The following KCNMA1 variants were observed in gnomAD, a reference collection of about 807,000 sequenced individuals.
The protein encoded by KCNMA1 is Calcium-activated potassium channel subunit alpha-1.
Under a neutral mutation model 140.0 loss-of-function variants are expected in KCNMA1, and 29 were observed. The ratio of observed to expected loss-of-function variants is 0.21; its 90% CI spans 0.15 to 0.28. The LOEUF is 0.28. KCNMA1 is among the 10% of genes least tolerant of loss of function. KCNMA1 has a pLI of 1.00. For synonymous variants in KCNMA1, 612 were observed against 611.9 expected (o/e 1.00, Z 0.00); for missense variants, 880 against 1,602.2 (o/e 0.55, Z 7.70).
At chr10:77,044,701 A>G (rs545747321) in intron 14 of KCNMA1, among the ~76,000 whole-genome samples, 44 of 152,282 alleles carry the variant, frequency 2.9e-4, no homozygotes, top group African/African-American at 1.0e-3. Context: ...GAAAGTGAAC[A>G]AAGAAATCTG....
At chr10:76,942,660 A>T (rs2062848097) in intron 23 of KCNMA1, among the ~76,000 whole-genome samples, 1 of 152,202 alleles carries the variant, frequency 6.6e-6, no homozygotes, top group African/African-American at 2.4e-5. Context: ...ACTGGAAGGA[A>T]CAACTATATC....
At chr10:77,285,688 T>G (rs1279129863) in intron 2 of KCNMA1, among the ~76,000 whole-genome samples, 1 of 44,264 alleles carries the variant, frequency 2.3e-5, no homozygotes, top group African/African-American at 1.1e-4. Flanking sequence ...TTACTGGGTG[T>G]TACCACATGG....
At chr10:77,280,860 C>A (rs900560855) in intron 2 of KCNMA1, among the ~76,000 whole-genome samples, 2 of 152,146 alleles carry the variant, frequency 1.3e-5, no homozygotes, top group Non-Finnish European at 2.9e-5. Flanking sequence ...TCTGCCTGGT[C>A]CCCTCATTGA....
chr10:77,321,166 C>T (rs2082236109), intron 2 of KCNMA1, among the ~76,000 whole-genome samples: 1 of 152,176 alleles, frequency 6.6e-6, no homozygotes, highest in Non-Finnish European at 1.5e-5. Flanking sequence ...ATGCATTACT[C>T]AGAGTGGAAA....
intron 2 of KCNMA1, among the ~76,000 whole-genome samples, chr10:77,266,632 C>T (rs1283659575): frequency 6.6e-6 from 1 of 152,184 alleles, no homozygotes; most frequent in African/African-American, 2.4e-5. Flanking sequence ...CATTCAGGCA[C>T]AGAAAGATCA....
At chr10:77,379,636 A>G (rs1182197095) in intron 2 of KCNMA1, among the ~76,000 whole-genome samples, 1 of 152,092 alleles carries the variant, frequency 6.6e-6, no homozygotes, top group Non-Finnish European at 1.5e-5. Context: ...AACTTTCTTA[A>G]AGGAACCCAT....
chr10:77,146,522 A>T (rs1225249726), intron 5 of KCNMA1, among the ~76,000 whole-genome samples: 1 of 152,000 alleles, frequency 6.6e-6, no homozygotes, highest in Non-Finnish European at 1.5e-5. Context: ...TCAACATGGC[A>T]AAACTTCGTC....
intron 2 of KCNMA1, among the ~76,000 whole-genome samples, chr10:77,338,749 A>T (rs2090021042): frequency 6.6e-6 from 1 of 152,210 alleles, no homozygotes; most frequent in Non-Finnish European, 1.5e-5. Flanking sequence ...AATCTTGATG[A>T]TGTCATTTGT....
chr10:77,578,877 G>A (rs1478054558), intron 1 of KCNMA1, among the ~76,000 whole-genome samples: 6 of 152,234 alleles, frequency 3.9e-5, no homozygotes, highest in Non-Finnish European at 7.3e-5. Context: ...GCCCCACAGA[G>A]GCAGGGCCTG....
At chr10:77,388,767 A>C (rs1057039060) in intron 2 of KCNMA1, among the ~76,000 whole-genome samples, 2 of 152,172 alleles carry the variant, frequency 1.3e-5, no homozygotes, top group African/African-American at 4.8e-5. Context: ...TTTTCTCTCT[A>C]TCTGTATCTC....
chr10:77,140,051 A>T (rs767846377), intron 5 of KCNMA1, among the ~76,000 whole-genome samples: 1 of 152,220 alleles, frequency 6.6e-6, no homozygotes, highest in Non-Finnish European at 1.5e-5. Context: ...TAGCTCAATA[A>T]CATTCAGGAG....
chr10:76,887,429 C>A lies in KCNMA1; in HGVS notation c.3548G>T (p.Gly1183Val), dbSNP rs1248000534. Residue 1183 changes from glycine to valine, a missense_variant, in exon 28 of 28, where the codon GGC (glycine) becomes GTC (valine). Around this residue, in one of 13 missense-constraint regions of KCNMA1, gnomAD observed 115 missense variants for 139.9 expected, o/e 0.82. Transcript: ENST00000286628. Reference protein sequence around the residue: ...FCLMQFDHNAGQSRASLSHSS... With the variant: ...FCLMQFDHNAVQSRASLSHSS... ...ATGGGACAGGCTGGCCCGGGACTGG[C>A]CGGCATTGTGGTCAAACTGCATTAA... 5 of 1,614,082 alleles carry A rather than the reference C, an allele frequency of 3.1e-6. No individual in the cohort carries two copies. The highest frequency in any genetic ancestry group is 4.2e-6 in the Non-Finnish European group (5 of 1,180,024).
intron 2 of KCNMA1, among the ~76,000 whole-genome samples, chr10:77,334,948 G>A (rs779864525): frequency 3.3e-5 from 5 of 152,034 alleles, no homozygotes; most frequent in Admixed American, 6.6e-5. Flanking sequence ...GTATGACACA[G>A]CACATCTCAA....
chr10:77,392,824 T>A (rs2095880505), intron 2 of KCNMA1, among the ~76,000 whole-genome samples: 1 of 152,236 alleles, frequency 6.6e-6, no homozygotes, highest in Non-Finnish European at 1.5e-5. Context: ...CTGGTGCAGA[T>A]GTGCCCTCCG....
chr10:77,250,956 G>T lies in KCNMA1; in HGVS notation c.602+239C>A, dbSNP rs1294297777. 1.5e-5 allele frequency: 8 copies of T among 524,750 alleles called. No homozygotes were observed. The East Asian group carries it at 2.6e-4, about 17-fold the overall frequency. The allele number at this position is 524,750 out of a possible 1,614,324, so 32.5% of individuals were successfully genotyped here. Reference sequence around the variant, plus strand: ...GCTCTTTAAAAATAAGTAATACCCAGCAAGAAGACTTGACCTCATATACCT... The same window carrying T: ...GCTCTTTAAAAATAAGTAATACCCATCAAGAAGACTTGACCTCATATACCT... On this transcript the variant is annotated intron_variant, in intron 3 of 27. Coordinates refer to ENST00000286628, the MANE Select transcript of KCNMA1 (RefSeq NM_001161352.2).
At chr10:77,445,073 A>T (rs2097497996) in intron 1 of KCNMA1, among the ~76,000 whole-genome samples, 1 of 152,180 alleles carries the variant, frequency 6.6e-6, no homozygotes, top group Non-Finnish European at 1.5e-5. Context: ...ACAGGGCCAG[A>T]ATTCCAGAAT....
intron 2 of KCNMA1, among the ~76,000 whole-genome samples, chr10:77,320,494 C>A (rs899611609): frequency 1.3e-5 from 2 of 152,128 alleles, no homozygotes; most frequent in Non-Finnish European, 2.9e-5. Flanking sequence ...TTCTGTGGCT[C>A]TCGGTGCTCT....
At chr10:77,213,511 T>A (rs890362151) in intron 3 of KCNMA1, among the ~76,000 whole-genome samples, 2 of 152,154 alleles carry the variant, frequency 1.3e-5, no homozygotes, top group African/African-American at 2.4e-5. Flanking sequence ...AGTTTTAAGT[T>A]TGAAACTGTA....
chr10:77,480,467 G>A (rs549027580), intron 1 of KCNMA1, among the ~76,000 whole-genome samples: 42 of 152,324 alleles, frequency 2.8e-4, no homozygotes, highest in African/African-American at 9.9e-4. Context: ...TGAGCCAAGG[G>A]CCATCAGACA....
Sources: gnomAD v4.1 joint callset for allele counts (sites outside exome capture counted in the v4.1 genomes callset) on GRCh38, gnomAD v4.1.1 for gene constraint, gnomAD v4.1.1 regional missense constraint, MANE v1.5 for transcripts, NCBI Gene and HGNC (gene_info 2026-07-23, HGNC 2026-07-21) for gene names.